PTPRK: variants seen among roughly 807,000 people sequenced by gnomAD.
PTPRK encodes the protein protein tyrosine phosphatase receptor type K.
A neutral mutation model predicts 178.0 loss-of-function variants in PTPRK; 75 were observed. That is an observed-to-expected ratio of 0.42 (90% CI 0.35 to 0.51). PTPRK has a LOEUF of 0.51. Ranked by LOEUF, PTPRK falls within the 20% of genes least tolerant of loss-of-function variation. The pLI is 0.02. For missense variants in PTPRK, 1,441 were observed against 1,797.8 expected (o/e 0.80, Z 3.59); for synonymous variants, 637 against 620.6 (o/e 1.03, Z -0.39).
At chr6:128,251,620 C>T (rs1816469902) in intron 3 of PTPRK, among the ~76,000 whole-genome samples, 1 of 152,190 alleles carries the variant, frequency 6.6e-6, no homozygotes, top group Non-Finnish European at 1.5e-5. Context: ...GTTACAGCAT[C>T]TGCCACTCAG....
At chr6:128,433,278 C>CCA in intron 1 of PTPRK, among the ~76,000 whole-genome samples, 1 of 151,928 alleles carries the variant, frequency 6.6e-6, no homozygotes, top group East Asian at 1.9e-4. Context: ...ACCCCGCAAC[C>CCA]CACACACACC....
chr6:128,230,723 G>T (rs895097272), intron 5 of PTPRK: 1 of 152,126 alleles, frequency 6.6e-6, no homozygotes, highest in South Asian at 2.1e-4. Flanking sequence ...AGTGCTTGAC[G>T]TGACACACCT....
At chr6:128,008,131 CT>C in intron 14 of PTPRK, 1 of 1,172,278 alleles carries the variant, frequency 8.5e-7, no homozygotes, top group Non-Finnish European at 1.2e-6. Flanking sequence ...AAAATAAACT[CT>C]GATGGAATCA....
At chr6:128,297,787 T>C (rs1217399880) in intron 3 of PTPRK, among the ~76,000 whole-genome samples, 2 of 152,040 alleles carry the variant, frequency 1.3e-5, no homozygotes, top group African/African-American at 4.8e-5. Flanking sequence ...AGATCCAAAA[T>C]TGACACCCTA....
At chr6:128,020,595 G>A (rs1246740057) in intron 13 of PTPRK, among the ~76,000 whole-genome samples, 2 of 152,126 alleles carry the variant, frequency 1.3e-5, no homozygotes, top group Non-Finnish European at 2.9e-5. Context: ...CCAGATCTGG[G>A]ACAGTCATCC....
intron 6 of PTPRK, among the ~76,000 whole-genome samples, chr6:128,196,127 G>A (rs76997207): frequency 0.029 from 4,367 of 152,120 alleles, 146 homozygotes; most frequent in African/African-American, 0.08. Flanking sequence ...AACTAAGAAA[G>A]GCAGGTTTTC....
chr6:128,055,451 C>T lies in PTPRK; in HGVS notation c.2194+9307G>A, dbSNP rs1779728920. On this transcript the variant is annotated intron_variant, in intron 13 of 29. Transcript: ENST00000368226. Reference sequence around the variant, plus strand: ...TATATTTTTTCTATTGGATTATAACCATTCATGAATTTGGGGTTACTAAAT... The same window carrying T: ...TATATTTTTTCTATTGGATTATAACTATTCATGAATTTGGGGTTACTAAAT... 2.0e-5 allele frequency among the ~76,000 whole-genome samples: 3 copies of T among 152,162 alleles called. No homozygotes were observed. The South Asian group carries it at 6.2e-4, about 32-fold the overall frequency.
At chr6:128,394,003 C>G (rs1231338243) in intron 2 of PTPRK, among the ~76,000 whole-genome samples, 2 of 152,126 alleles carry the variant, frequency 1.3e-5, no homozygotes, top group African/African-American at 4.8e-5. Flanking sequence ...TGCCACCTGA[C>G]AAGCACTAAC....
intron 15 of PTPRK, 90 bp downstream of exon 15, chr6:128,004,994 A>G: frequency 9.6e-7 from 1 of 1,046,182 alleles, no homozygotes; most frequent in Non-Finnish European, 1.4e-6. Context: ...TCACTTTCCT[A>G]CTCTCTCTCA....
chr6:128,093,596 C>CAAAAAAAAAAAAAAAA (rs1172145765), intron 7 of PTPRK, among the ~76,000 whole-genome samples: 1 of 6,276 alleles, frequency 1.6e-4, no homozygotes, highest in African/African-American at 5.1e-4. Context: ...GACTCTCTCT[C>CAAAAAAAAAAAAAAAA]AAAAAAAAAA....
In PTPRK at chr6:128,039,388, G is replaced by T. The variant is rs533942516; in HGVS notation, c.2194+25370C>A. Among the ~76,000 whole-genome samples the T allele has an allele frequency of 6.6e-5, 10 of 152,120 alleles. No homozygotes were observed. The South Asian group carries it at 1.4e-3, about 22-fold the overall frequency. On this transcript the variant is annotated intron_variant, in intron 13 of 29. Coordinates refer to ENST00000368226, the MANE Select transcript of PTPRK (RefSeq NM_002844.4). ...AGGTAGACGTAGAAATACAGATAGG[G>T]TCTATGTTCATAAATAAGTCTGAAA...
At chr6:128,179,392 A>G (rs935556666) in intron 7 of PTPRK, among the ~76,000 whole-genome samples, 1 of 152,026 alleles carries the variant, frequency 6.6e-6, no homozygotes, top group Admixed American at 6.6e-5. Flanking sequence ...ATCTAAAATG[A>G]AATTTTATTC....
chr6:128,220,408 A>G (rs1250951432), intron 5 of PTPRK, among the ~76,000 whole-genome samples: 1 of 152,186 alleles, frequency 6.6e-6, no homozygotes, highest in African/African-American at 2.4e-5. Context: ...GAAAACCCAC[A>G]ACGCTGAGAA....
At chr6:128,429,982 A>G (rs987513538) in intron 1 of PTPRK, among the ~76,000 whole-genome samples, 1 of 152,214 alleles carries the variant, frequency 6.6e-6, no homozygotes, top group African/African-American at 2.4e-5. Context: ...TCAGAATGAA[A>G]ATTTCAGTAG....
At chr6:128,315,297 G>T (rs1447500214) in intron 3 of PTPRK, among the ~76,000 whole-genome samples, 1 of 151,908 alleles carries the variant, frequency 6.6e-6, no homozygotes, top group Non-Finnish European at 1.5e-5. Context: ...TTATTTTATT[G>T]AATTATTACT....
At chr6:128,135,080 A>T (rs572864788) in intron 7 of PTPRK, among the ~76,000 whole-genome samples, 16 of 125,454 alleles carry the variant, frequency 1.3e-4, no homozygotes, top group East Asian at 4.2e-4. Context: ...TCATTCAATC[A>T]CACACACACA....
intron 12 of PTPRK, among the ~76,000 whole-genome samples, chr6:128,065,909 C>T (rs1477002702): frequency 6.6e-6 from 1 of 152,182 alleles, no homozygotes; most frequent in Non-Finnish European, 1.5e-5. Flanking sequence ...AACTTTAAAA[C>T]TCTTTGCCAA....
chr6:127,983,201 T>TA, intron 23 of PTPRK, 41 bp downstream of exon 23: 1 of 1,489,146 alleles, frequency 6.7e-7, no homozygotes, highest in South Asian at 1.3e-5. Context: ...GCAAAAAAAA[T>TA]AAAAAATAAA....
chr6:128,258,358 G>A (rs1817659705), intron 3 of PTPRK, among the ~76,000 whole-genome samples: 1 of 152,134 alleles, frequency 6.6e-6, no homozygotes, highest in African/African-American at 2.4e-5. Context: ...ATATCACAGA[G>A]TAATCATGCA....
Sources: gnomAD v4.1 joint callset for allele counts (sites outside exome capture counted in the v4.1 genomes callset) on GRCh38, gnomAD v4.1.1 for gene constraint, MANE v1.5 for transcripts, NCBI Gene and HGNC (gene_info 2026-07-23, HGNC 2026-07-21) for gene names.